TUT7: variants seen among roughly 807,000 people sequenced by gnomAD.
TUT7 encodes terminal uridylyltransferase 7.
In TUT7, 33 loss-of-function variants were observed where a neutral mutation model predicts 165.9. That is an observed-to-expected ratio of 0.20 (90% CI 0.15 to 0.27). The LOEUF is 0.27. TUT7 is among the 10% of genes least tolerant of loss of function. The pLI is 1.00. For synonymous variants in TUT7, 552 were observed against 608.1 expected (o/e 0.91, Z 1.36); for missense variants, 1,338 against 1,762.3 (o/e 0.76, Z 4.31).
chr9:86,295,345 C>A (rs933977449), intron 26 of TUT7, among the ~76,000 whole-genome samples: 4 of 151,878 alleles, frequency 2.6e-5, no homozygotes, highest in Non-Finnish European at 4.4e-5. Flanking sequence ...ATATTTACAG[C>A]CCCCCTCCCC....
intron 10 of TUT7, among the ~76,000 whole-genome samples, chr9:86,330,675 G>A (rs1830237232): frequency 6.6e-6 from 1 of 152,066 alleles, no homozygotes; most frequent in African/African-American, 2.4e-5. Context: ...TTTTTCCCTA[G>A]GTTGTCTTCT....
chr9:86,348,104 T>C (rs1043524748), intron 2 of TUT7, among the ~76,000 whole-genome samples: 17 of 152,232 alleles, frequency 1.1e-4, no homozygotes, highest in African/African-American at 4.1e-4. Flanking sequence ...GAATTCCTTT[T>C]TTAAACTCTT....
At position 86,288,412 on chromosome 9, in the gene TUT7, A is replaced by C; in HGVS notation, c.*265T>G. The C allele has an allele frequency of 4.0e-6, 1 of 251,126 alleles. No homozygotes were observed. Among genetic ancestry groups the C allele is most frequent in the Non-Finnish European group, 7.5e-6 (1 of 132,500 alleles). 15.6% of individuals were successfully genotyped at this position (251,126 alleles called of 1,614,324 possible). ...ATTCACTGAATACCGGTCCATAGTTATATTTTTTCTTTTAACGTGGCTTAA... is the reference window on the plus strand; with the variant it reads ...ATTCACTGAATACCGGTCCATAGTTCTATTTTTTCTTTTAACGTGGCTTAA... On this transcript the variant is annotated 3_prime_UTR_variant, in exon 27 of 27. Coordinates refer to ENST00000375963, the MANE Select transcript of TUT7 (RefSeq NM_024617.4).
Position 86,323,438 on chromosome 9 carries a change from T to C in TUT7, c.2312A>G (p.Glu771Gly), listed in dbSNP as rs1451437826. 1 of 1,614,100 alleles carries C rather than the reference T, an allele frequency of 6.2e-7. No homozygotes were observed. The highest frequency in any genetic ancestry group is 1.3e-5 in the African/African-American group (1 of 74,944). Residue 771 changes from glutamate to glycine, a missense_variant, in exon 13 of 27, where the codon GAG (glutamate) becomes GGG (glycine). Around this residue, in one of 7 missense-constraint regions of TUT7, gnomAD observed 425 missense variants for 474.9 expected, o/e 0.89. Coordinates refer to ENST00000375963, the MANE Select transcript of TUT7 (RefSeq NM_024617.4). ...HLLTVDQKRGEHVVCGSTRNN... is the reference protein window; with the variant it reads ...HLLTVDQKRGGHVVCGSTRNN... ...ACGTGTGCTGCCACAGACAACATGC[T>C]CTCCACGTTTCTGATCAACAGTCAA...
At chr9:86,296,592 C>A (rs984918634) in intron 26 of TUT7, among the ~76,000 whole-genome samples, 1 of 152,212 alleles carries the variant, frequency 6.6e-6, no homozygotes, top group African/African-American at 2.4e-5. Flanking sequence ...TGAGTGCCTA[C>A]TCTGGGCAGT....
At chr9:86,292,201 C>T (rs1277814669) in intron 26 of TUT7, among the ~76,000 whole-genome samples, 1 of 152,148 alleles carries the variant, frequency 6.6e-6, no homozygotes, top group Non-Finnish European at 1.5e-5. Flanking sequence ...GTGCCACCAT[C>T]CCTGGTTTGT....
intron 11 of TUT7, among the ~76,000 whole-genome samples, chr9:86,327,386 G>C (rs1829885972): frequency 1.3e-5 from 2 of 152,336 alleles, no homozygotes; most frequent in Admixed American, 1.3e-4. Context: ...GCTCGGCACT[G>C]AGTTAAGCAT....
chr9:86,323,853 G>C lies in TUT7; in HGVS notation c.1897C>G (p.His633Asp), dbSNP rs1046754319. 2 of 1,614,064 alleles carry C rather than the reference G, an allele frequency of 1.2e-6. No individual in the cohort carries two copies. Among genetic ancestry groups the C allele is most frequent in the Non-Finnish European group, 1.7e-6 (2 of 1,179,984 alleles). ...RTTYKYFALP[H>D]KITKSSLLKP... ...AGAAGGCTGGATTTTGTAATTTTGT[G>C]TGGAAGAGCAAAATACTTGTATGTT... Residue 633 changes from histidine (H) to aspartate (D), a missense_variant, in exon 13 of 27, where the codon CAC becomes GAC. His to Asp is a moderately conservative substitution (Grantham distance 81). This residue lies in a region of TUT7 where 425 missense variants were observed against 474.9 expected (regional missense o/e 0.89). Transcript: ENST00000375963.
At chr9:86,325,849 C>T (rs2131459448) in intron 11 of TUT7, among the ~76,000 whole-genome samples, 1 of 152,330 alleles carries the variant, frequency 6.6e-6, no homozygotes, top group South Asian at 2.1e-4. Context: ...ATTCTCAGCA[C>T]TGAACTCTTC....
intron 5 of TUT7, among the ~76,000 whole-genome samples, chr9:86,343,423 G>A (rs553670695): frequency 2.0e-5 from 3 of 152,132 alleles, no homozygotes; most frequent in Admixed American, 6.5e-5. Flanking sequence ...AAATTGCTAC[G>A]TTATCATGTA....
At chr9:86,337,282 T>C (rs1039093780) in intron 10 of TUT7, 137 bp downstream of exon 10, 2 of 964,920 alleles carry the variant, frequency 2.1e-6, no homozygotes, top group Non-Finnish European at 3.1e-6. Context: ...GTGAAAGGTA[T>C]GAATATTCAC....
intron 9 of TUT7, among the ~76,000 whole-genome samples, chr9:86,338,210 C>CTTTTTTTT (rs1156700714): frequency 8.9e-5 from 12 of 135,396 alleles, no homozygotes; most frequent in African/African-American, 1.9e-4. Context: ...CATGGAATCT[C>CTTTTTTTT]TTTTTTTTTT....
chr9:86,295,509 G>A (rs1826234288), intron 26 of TUT7, among the ~76,000 whole-genome samples: 1 of 152,072 alleles, frequency 6.6e-6, no homozygotes, highest in South Asian at 2.1e-4. Flanking sequence ...AAAACAGCCA[G>A]TCCATTAATA....
chr9:86,290,797 T>A (rs1587832664), intron 26 of TUT7, among the ~76,000 whole-genome samples: 1 of 151,146 alleles, frequency 6.6e-6, no homozygotes, highest in East Asian at 1.9e-4. Context: ...GGAGTGGAGG[T>A]TGCAGTAAGC....
At chr9:86,296,706 T>C (rs1030263009) in intron 26 of TUT7, among the ~76,000 whole-genome samples, 1 of 152,248 alleles carries the variant, frequency 6.6e-6, no homozygotes, top group Non-Finnish European at 1.5e-5. Context: ...CTAAGGTCAA[T>C]ACACCATATA....
chr9:86,306,150 A>AG (rs1042950602), intron 22 of TUT7, among the ~76,000 whole-genome samples: 1 of 152,212 alleles, frequency 6.6e-6, no homozygotes, highest in African/African-American at 2.4e-5. Flanking sequence ...ACAATATTCA[A>AG]GAAGGCAAAG....
rs371362648 is a variant in TUT7 at position 86,323,171 on chromosome 9, G to C, written c.2579C>G (p.Pro860Arg). 1.2e-6 allele frequency: 2 copies of C among 1,614,116 alleles called. No homozygotes were observed. Among genetic ancestry groups the C allele is most frequent in the Admixed American group, 1.7e-5 (1 of 59,998 alleles). Residue 860 changes from proline (P) to arginine (R), a missense_variant, in exon 13 of 27, where the codon CCT becomes CGT. Coordinates refer to ENST00000375963, the MANE Select transcript of TUT7 (RefSeq NM_024617.4). ...TTCCCTTTGGTTAATGGTGAGCCTA[G>C]GTTCTTCTTCCTCCTCCTCTTCTTC... ...DDEEEEEEEEPRLTINQREDE... is the reference protein window; with the variant it reads ...DDEEEEEEEERRLTINQREDE...
At position 86,311,809 on chromosome 9, in the gene TUT7, A is replaced by G. The variant is rs915749344; in HGVS notation, c.3275-1000T>C. Among the ~76,000 whole-genome samples the G allele has an allele frequency of 2.0e-5, 3 of 151,992 alleles. No individual in the cohort carries two copies. Among genetic ancestry groups the G allele is most frequent in the African/African-American group, 7.3e-5 (3 of 41,340 alleles). On this transcript the variant is annotated intron_variant, in intron 17 of 26. Coordinates refer to ENST00000375963, the MANE Select transcript of TUT7 (RefSeq NM_024617.4). This position sits in a 1 kb window ranked among gnomAD's most constrained non-coding sequence, Gnocchi z 4.4. ...TGGTTTTCGTATTTTTTTGGTGGAGACGGGGTTTCGCTGTGTTGGCCGGGC... is the reference window on the plus strand; with the variant it reads ...TGGTTTTCGTATTTTTTTGGTGGAGGCGGGGTTTCGCTGTGTTGGCCGGGC...
chr9:86,296,071 G>A (rs1401982723), intron 26 of TUT7, among the ~76,000 whole-genome samples: 1 of 152,142 alleles, frequency 6.6e-6, no homozygotes, highest in African/African-American at 2.4e-5. Context: ...TGTCCTATAA[G>A]TTAGAAGAGA....
Sources: allele counts gnomAD v4.1 joint callset (sites outside exome capture counted in the v4.1 genomes callset), GRCh38; gene constraint gnomAD v4.1.1; regional missense constraint gnomAD v4.1.1; non-coding constraint Gnocchi (gnomAD v3.1); transcripts MANE v1.5; gene names NCBI Gene and HGNC (gene_info 2026-07-23, HGNC 2026-07-21).